RPRD1A: variants seen among roughly 807,000 people sequenced by gnomAD.
RPRD1A encodes regulation of nuclear pre-mRNA domain-containing protein 1A.
In RPRD1A, 9 loss-of-function variants were observed where a neutral mutation model predicts 37.8. The observed-to-expected ratio is 0.24, with a 90% confidence interval of 0.14 to 0.42. The LOEUF (loss-of-function observed/expected upper bound fraction) is 0.42. Among genes scored for constraint, RPRD1A ranks in the 10% least tolerant of loss-of-function variants. RPRD1A has a pLI of 1.00. For missense variants in RPRD1A, 255 were observed against 371.0 expected (o/e 0.69, Z 2.57); for synonymous variants, 138 against 139.7 (o/e 0.99, Z 0.08).
rs543963339 is a variant in RPRD1A at position 36,067,518 on chromosome 18, C to A, written c.-114G>T. The A allele has an allele frequency of 1.8e-6, 2 of 1,140,192 alleles. No homozygotes were observed. The highest frequency in any genetic ancestry group is 2.4e-6 in the Non-Finnish European group (2 of 820,052). The allele number at this position is 1,140,192 out of a possible 1,614,324, so 70.6% of individuals were successfully genotyped here. A position where few individuals can be genotyped will look rare whatever the true frequency, so the allele number is the denominator to read the frequency against. ...CCCACCCTTCCCCACGCTCTCACCACGGCCGCCGCTTCATCCAAGACCGGC... is the reference window on the plus strand; with the variant it reads ...CCCACCCTTCCCCACGCTCTCACCAAGGCCGCCGCTTCATCCAAGACCGGC... On this transcript the variant is annotated 5_prime_UTR_variant, in exon 1 of 7. Coordinates refer to ENST00000399022, the MANE Select transcript of RPRD1A (RefSeq NM_018170.5).
At chr18:36,030,434 G>T (rs1911693139) in intron 4 of RPRD1A, among the ~76,000 whole-genome samples, 1 of 151,562 alleles carries the variant, frequency 6.6e-6, no homozygotes, top group African/African-American at 2.4e-5. Context: ...AGTGAGCCAA[G>T]ATAGTGCCAC....
chr18:36,050,823 G>A (rs1913331892), intron 1 of RPRD1A, among the ~76,000 whole-genome samples: 1 of 151,522 alleles, frequency 6.6e-6, no homozygotes, highest in South Asian at 2.1e-4. Context: ...GGGATTACAG[G>A]TGTGAGCTAC....
chr18:36,059,570 A>G (rs1251888453), intron 1 of RPRD1A, among the ~76,000 whole-genome samples: 2 of 152,232 alleles, frequency 1.3e-5, no homozygotes, highest in Non-Finnish European at 1.5e-5. Context: ...TATAACCCAC[A>G]TAAACAAAAG....
intron 1 of RPRD1A, among the ~76,000 whole-genome samples, chr18:36,066,238 T>C (rs1017284990): frequency 2.4e-4 from 37 of 152,216 alleles, no homozygotes; most frequent in African/African-American, 8.2e-4. Flanking sequence ...CAAGGACAGA[T>C]TGTCTCCATT....
At chr18:36,057,049 TAC>T (rs1913830767) in intron 1 of RPRD1A, among the ~76,000 whole-genome samples, 1 of 23,268 alleles carries the variant, frequency 4.3e-5, no homozygotes, top group African/African-American at 1.9e-4. Context: ...ACCCTGTTTC[TAC>T]AAAAAAAAAA....
intron 6 of RPRD1A, among the ~76,000 whole-genome samples, chr18:36,003,963 T>C (rs1250043756): frequency 1.3e-5 from 2 of 150,840 alleles, no homozygotes; most frequent in Non-Finnish European, 3.0e-5. Flanking sequence ...CACACCACAC[T>C]TGGAGAGGGA....
chr18:35,999,937 T>C (rs532696324), intron 6 of RPRD1A, among the ~76,000 whole-genome samples: 1 of 152,318 alleles, frequency 6.6e-6, no homozygotes, highest in East Asian at 1.9e-4. Context: ...TTCTCATTAT[T>C]AGGATCCATC....
intron 6 of RPRD1A, among the ~76,000 whole-genome samples, chr18:36,015,923 T>C (rs1910538078): frequency 6.6e-6 from 1 of 152,248 alleles, no homozygotes; most frequent in Admixed American, 6.5e-5. Flanking sequence ...GTGACCTATA[T>C]ACATTTAAAA....
At chr18:36,007,008 C>G (rs1909787489) in intron 6 of RPRD1A, among the ~76,000 whole-genome samples, 1 of 152,160 alleles carries the variant, frequency 6.6e-6, no homozygotes, top group African/African-American at 2.4e-5. Flanking sequence ...GTCTTCTTTA[C>G]TCTTCCTAGT....
intron 1 of RPRD1A, among the ~76,000 whole-genome samples, chr18:36,034,434 A>G (rs1912039599): frequency 6.6e-6 from 1 of 152,190 alleles, no homozygotes; most frequent in Non-Finnish European, 1.5e-5. Flanking sequence ...CCTACTCACT[A>G]TGCTCTGTGG....
chr18:36,010,434 A>G (rs1377271301), intron 6 of RPRD1A, among the ~76,000 whole-genome samples: 2 of 152,208 alleles, frequency 1.3e-5, no homozygotes, highest in East Asian at 3.8e-4. Flanking sequence ...TCAAAATTTC[A>G]GTGAGCTATG....
At chr18:36,055,422 CGAGAA>C (rs1913692446) in intron 1 of RPRD1A, among the ~76,000 whole-genome samples, 1 of 152,040 alleles carries the variant, frequency 6.6e-6, no homozygotes, top group Admixed American at 6.6e-5. Context: ...TTAGCCTGTA[CGAGAA>C]TCAAGTAAGA....
At chr18:36,050,841 G>C (rs1598658719) in intron 1 of RPRD1A, among the ~76,000 whole-genome samples, 1 of 150,810 alleles carries the variant, frequency 6.6e-6, no homozygotes, top group South Asian at 2.1e-4. Context: ...TACCACACCA[G>C]AATCAATTTT....
intron 6 of RPRD1A, among the ~76,000 whole-genome samples, chr18:35,994,714 AACTG>A (rs1908918502): frequency 6.6e-6 from 1 of 152,210 alleles, no homozygotes. Context: ...TAGGCTTTAT[AACTG>A]ACAAATTCTA....
At chr18:36,050,171 C>T (rs1023320672) in intron 1 of RPRD1A, among the ~76,000 whole-genome samples, 7 of 151,380 alleles carry the variant, frequency 4.6e-5, no homozygotes, top group Non-Finnish European at 5.9e-5. Flanking sequence ...GAGTGCTACA[C>T]AACTGAATGT....
chr18:35,999,621 A>G (rs554554295), intron 6 of RPRD1A, among the ~76,000 whole-genome samples: 13 of 152,048 alleles, frequency 8.5e-5, no homozygotes, highest in Non-Finnish European at 1.6e-4. Context: ...AATTCATTTT[A>G]TCTTTCCTAC....
intron 1 of RPRD1A, among the ~76,000 whole-genome samples, chr18:36,053,908 A>G (rs1913577497): frequency 1.3e-5 from 2 of 152,300 alleles, no homozygotes; most frequent in South Asian, 4.1e-4. Context: ...AAGGGGTTGA[A>G]ACAATCTTGA....
Position 36,000,092 on chromosome 18 carries a change from T to C in RPRD1A, c.790-6792A>G, listed in dbSNP as rs568112586. 7.2e-5 allele frequency among the ~76,000 whole-genome samples: 11 copies of C among 152,288 alleles called. No individual in the cohort carries two copies. The East Asian group carries it at 2.1e-3, about 29-fold the overall frequency. ...AATAAGGCCAAGACATTCCATGATGTCAGGGCGTTTCTGAGACTGCAGATT... is the reference window on the plus strand; with the variant it reads ...AATAAGGCCAAGACATTCCATGATGCCAGGGCGTTTCTGAGACTGCAGATT... On this transcript the variant is annotated intron_variant, in intron 6 of 6. Transcript: ENST00000399022.
chr18:36,017,011 T>TAA (rs200236691), intron 6 of RPRD1A, among the ~76,000 whole-genome samples: 14 of 145,844 alleles, frequency 9.6e-5, no homozygotes, highest in South Asian at 2.2e-4. Flanking sequence ...ACTTTTGCAA[T>TAA]AAAAAAAAAA....
Sources: gnomAD v4.1 joint callset for allele counts (sites outside exome capture counted in the v4.1 genomes callset) on GRCh38, gnomAD v4.1.1 for gene constraint, MANE v1.5 for transcripts, NCBI Gene and HGNC (gene_info 2026-07-23, HGNC 2026-07-21) for gene names.